ZNF385B: variants seen among roughly 807,000 people sequenced by gnomAD.
The protein encoded by ZNF385B is zinc finger protein 385B, also known as zinc finger protein 533.
Under a neutral mutation model 39.2 loss-of-function variants are expected in ZNF385B, and 23 were observed. The ratio of observed to expected loss-of-function variants is 0.59; its 90% CI spans 0.42 to 0.83. The LOEUF is 0.83. ZNF385B is among the 40% of genes least tolerant of loss of function. ZNF385B has a pLI of 0.00. For missense variants in ZNF385B, 552 were observed against 598.9 expected (o/e 0.92, Z 0.82); for synonymous variants, 205 against 222.6 (o/e 0.92, Z 0.70).
At chr2:179,666,963 A>G (rs1240280771) in intron 3 of ZNF385B, among the ~76,000 whole-genome samples, 1 of 152,190 alleles carries the variant, frequency 6.6e-6, no homozygotes, top group Non-Finnish European at 1.5e-5. Flanking sequence ...AGATTATCAC[A>G]TTTATCCATA....
chr2:179,701,303 T>C (rs1262097814), intron 3 of ZNF385B, among the ~76,000 whole-genome samples: 1 of 152,220 alleles, frequency 6.6e-6, no homozygotes, highest in Non-Finnish European at 1.5e-5. Flanking sequence ...TTTCTTTCTC[T>C]GTTTCTCATC....
intron 3 of ZNF385B, among the ~76,000 whole-genome samples, chr2:179,713,618 T>C (rs1452593094): frequency 6.6e-6 from 1 of 152,194 alleles, no homozygotes; most frequent in Non-Finnish European, 1.5e-5. Flanking sequence ...CCCATTTCAC[T>C]GTAAGCTCCA....
intron 3 of ZNF385B, among the ~76,000 whole-genome samples, chr2:179,554,517 C>T (rs537805074): frequency 3.4e-5 from 5 of 148,262 alleles, no homozygotes; most frequent in South Asian, 4.4e-4. Context: ...AAGGTAAAAC[C>T]GAAAATAGAA....
chr2:179,566,493 T>C (rs373542735), intron 3 of ZNF385B, among the ~76,000 whole-genome samples: 2 of 152,210 alleles, frequency 1.3e-5, no homozygotes, highest in Non-Finnish European at 2.9e-5. Context: ...TTCTTTTTTA[T>C]ATTTTAAGAC....
intron 1 of ZNF385B, among the ~76,000 whole-genome samples, chr2:179,787,199 T>G (rs1229103570): frequency 4.6e-5 from 7 of 152,144 alleles, no homozygotes; most frequent in Non-Finnish European, 8.8e-5. Context: ...TTGTTCGTAA[T>G]GATTTTTGGA....
At chr2:179,446,182 G>A (rs1292413552) in intron 7 of ZNF385B, among the ~76,000 whole-genome samples, 2 of 152,082 alleles carry the variant, frequency 1.3e-5, no homozygotes, top group Non-Finnish European at 2.9e-5. Flanking sequence ...CCCTACTGGT[G>A]GGCTTTAGGT....
chr2:179,846,586 A>G (rs946273589), intron 1 of ZNF385B, among the ~76,000 whole-genome samples: 5 of 152,214 alleles, frequency 3.3e-5, no homozygotes, highest in African/African-American at 1.2e-4. Context: ...TACCTCAGGC[A>G]TGCTTCCCCT....
At chr2:179,747,699 T>G (rs1702462878) in intron 3 of ZNF385B, among the ~76,000 whole-genome samples, 1 of 152,156 alleles carries the variant, frequency 6.6e-6, no homozygotes. Context: ...CAATCCCTTA[T>G]CTAAAACCCT....
intron 3 of ZNF385B, among the ~76,000 whole-genome samples, chr2:179,676,103 CT>C (rs1696739785): frequency 6.8e-6 from 1 of 146,384 alleles, no homozygotes; most frequent in Non-Finnish European, 1.5e-5. Flanking sequence ...TATTTTTTTT[CT>C]TTGAGACGGA....
chr2:179,573,354 T>A (rs1574858276), intron 3 of ZNF385B, among the ~76,000 whole-genome samples: 1 of 152,248 alleles, frequency 6.6e-6, no homozygotes, highest in African/African-American at 2.4e-5. Flanking sequence ...AGGAATAGTA[T>A]AATTTTTAAT....
At chr2:179,709,191 C>T (rs1057406297) in intron 3 of ZNF385B, among the ~76,000 whole-genome samples, 2 of 152,196 alleles carry the variant, frequency 1.3e-5, no homozygotes, top group Non-Finnish European at 2.9e-5. Context: ...CAGATCTCAG[C>T]GGATGAACCA....
intron 1 of ZNF385B, among the ~76,000 whole-genome samples, chr2:179,803,956 G>T (rs1360134478): frequency 1.3e-5 from 2 of 152,168 alleles, no homozygotes; most frequent in African/African-American, 4.8e-5. Flanking sequence ...GAGCACCCAA[G>T]AACTCAACTC....
intron 4 of ZNF385B, among the ~76,000 whole-genome samples, chr2:179,538,079 T>C (rs182618272): frequency 6.6e-6 from 1 of 152,208 alleles, no homozygotes; most frequent in Non-Finnish European, 1.5e-5. Flanking sequence ...TCACAAAAAA[T>C]AAAAACTCAA....
Position 179,460,855 on chromosome 2 carries a change from G to C in ZNF385B, c.716-14085C>G, listed in dbSNP as rs1041782584. Among the ~76,000 whole-genome samples, 3 of 152,122 alleles carry C rather than the reference G, an allele frequency of 2.0e-5. No individual in the cohort carries two copies. In the South Asian group the frequency reaches 6.2e-4, roughly 32 times the overall value. On this transcript the variant is annotated intron_variant, in intron 6 of 9. Transcript: ENST00000410066. Reference sequence around the variant, plus strand: ...ATCCTTGAAAAACTCTAACCTCCAAGCTTTCAGGGCAGCTGATTCGAGTAA... The same window carrying C: ...ATCCTTGAAAAACTCTAACCTCCAACCTTTCAGGGCAGCTGATTCGAGTAA...
intron 3 of ZNF385B, among the ~76,000 whole-genome samples, chr2:179,593,838 AG>A (rs1163951870): frequency 9.9e-5 from 15 of 152,246 alleles, no homozygotes; most frequent in Admixed American, 8.5e-4. Flanking sequence ...GTCATAGGCC[AG>A]GAAGGCCCCA....
intron 1 of ZNF385B, among the ~76,000 whole-genome samples, chr2:179,787,902 C>CT (rs1705098443): frequency 1.3e-5 from 2 of 152,150 alleles, no homozygotes; most frequent in Non-Finnish European, 2.9e-5. Context: ...AATTGTGAAA[C>CT]ACAGCAACTA....
intron 3 of ZNF385B, among the ~76,000 whole-genome samples, chr2:179,686,965 T>G (rs917947951): frequency 1.5e-3 from 5 of 3,440 alleles, no homozygotes; most frequent in Non-Finnish European, 2.1e-3. Flanking sequence ...ATTTGTACTG[T>G]TTTTTTTTTT....
chr2:179,531,996 C>T (rs1308698226), intron 4 of ZNF385B, among the ~76,000 whole-genome samples: 3 of 152,122 alleles, frequency 2.0e-5, no homozygotes, highest in African/African-American at 7.2e-5. Flanking sequence ...ACAAAATATA[C>T]AATAGTTGTA....
chr2:179,664,798 TGTTTGTG>T (rs1472882419), intron 3 of ZNF385B, among the ~76,000 whole-genome samples: 15 of 152,136 alleles, frequency 9.9e-5, no homozygotes, highest in Admixed American at 9.2e-4. Context: ...TTGATGTAAA[TGTTTGTG>T]CACATTTACA....
Sources: gnomAD v4.1 joint callset for allele counts (sites outside exome capture counted in the v4.1 genomes callset) on GRCh38, gnomAD v4.1.1 for gene constraint, MANE v1.5 for transcripts, NCBI Gene and HGNC (gene_info 2026-07-23, HGNC 2026-07-21) for gene names.